Variants in MANBA observed in about 807,000 individuals in gnomAD.
MANBA encodes mannosidase beta.
A neutral mutation model predicts 111.1 loss-of-function variants in MANBA; 83 were observed. The observed-to-expected ratio is 0.75, with a 90% CI of 0.63 to 0.90. The LOEUF is 0.90. Ranked by LOEUF, MANBA falls within the 40% of genes least tolerant of loss-of-function variation. MANBA has a pLI of 0.00. For missense variants in MANBA, 1,036 were observed against 1,069.0 expected (o/e 0.97, Z 0.43); for synonymous variants, 370 against 378.7 (o/e 0.98, Z 0.27).
intron 5 of MANBA, among the ~76,000 whole-genome samples, chr4:102,710,667 C>T (rs971238019): frequency 2.0e-5 from 3 of 151,964 alleles, no homozygotes; most frequent in Non-Finnish European, 4.4e-5. Context: ...AAAAATCCTA[C>T]AGTTCATATG....
chr4:102,682,039 C>T (rs112570493), intron 7 of MANBA, among the ~76,000 whole-genome samples: 76 of 151,038 alleles, frequency 5.0e-4, no homozygotes, highest in African/African-American at 1.8e-3. Flanking sequence ...CCCAGCTACT[C>T]AGGAGGCTGA....
At chr4:102,665,559 T>G (rs949659154) in intron 10 of MANBA, 1 of 152,256 alleles carries the variant, frequency 6.6e-6, no homozygotes, top group Non-Finnish European at 1.5e-5. Flanking sequence ...AATTAGAGAA[T>G]CTACCTGAAA....
chr4:102,644,308 T>C (rs1730007207), intron 13 of MANBA, among the ~76,000 whole-genome samples: 1 of 152,104 alleles, frequency 6.6e-6, no homozygotes, highest in African/African-American at 2.4e-5. Flanking sequence ...GGAAATGAAA[T>C]CAGTATGTTG....
intron 5 of MANBA, among the ~76,000 whole-genome samples, chr4:102,698,036 T>C (rs1423167703): frequency 5.9e-5 from 9 of 151,920 alleles, no homozygotes; most frequent in African/African-American, 1.9e-4. Context: ...CCTGACTTTT[T>C]AATGATTGCC....
chr4:102,674,597 G>A (rs181398668), intron 7 of MANBA, among the ~76,000 whole-genome samples: 22 of 152,198 alleles, frequency 1.4e-4, no homozygotes, highest in Non-Finnish European at 2.9e-4. Flanking sequence ...GTTTGAGCAC[G>A]CTCTGGTTTC....
intron 1 of MANBA, among the ~76,000 whole-genome samples, chr4:102,733,349 AT>A (rs563303596): frequency 0.042 from 5,745 of 136,104 alleles, 99 homozygotes; most frequent in East Asian, 0.084. Context: ...TCCTCTCTGC[AT>A]TTTTTTTTTT....
chr4:102,734,643 C>A, intron 1 of MANBA: 1 of 1,500,298 alleles, frequency 6.7e-7, no homozygotes, highest in Non-Finnish European at 9.2e-7. Flanking sequence ...GCCAGACAGG[C>A]AGGGAGAGGG....
At chr4:102,727,964 G>T in intron 1 of MANBA, 2 of 439,280 alleles carry the variant, frequency 4.6e-6, no homozygotes, top group Non-Finnish European at 4.3e-6. Flanking sequence ...TGGAATGTAC[G>T]ATTGGTTTTA....
chr4:102,751,388 T>A (rs1349679178), intron 1 of MANBA: 1 of 427,306 alleles, frequency 2.3e-6, no homozygotes, highest in Non-Finnish European at 4.7e-6. Flanking sequence ...AAGTCTTGTG[T>A]GTACTCCTTG....
chr4:102,657,950 A>G (rs1490828918), intron 11 of MANBA, 50 bp from the exon 12 acceptor site: 1 of 1,305,196 alleles, frequency 7.7e-7, no homozygotes. Context: ...CATCCTGTAA[A>G]GTATGTATCA....
At chr4:102,654,607 G>C (rs1333678463) in intron 12 of MANBA, among the ~76,000 whole-genome samples, 2 of 152,140 alleles carry the variant, frequency 1.3e-5, no homozygotes, top group Non-Finnish European at 2.9e-5. Flanking sequence ...CATTTCAATA[G>C]ATGAAGAAAA....
At chr4:102,756,922 T>C (rs1193737154) in intron 1 of MANBA, among the ~76,000 whole-genome samples, 2 of 152,006 alleles carry the variant, frequency 1.3e-5, no homozygotes, top group African/African-American at 4.8e-5. Flanking sequence ...ACATAACATA[T>C]GGAAATTATT....
At chr4:102,652,483 CA>C (rs1730378684) in intron 12 of MANBA, among the ~76,000 whole-genome samples, 1 of 152,078 alleles carries the variant, frequency 6.6e-6, no homozygotes. Context: ...GAAAATCTTT[CA>C]AATTTCAGCT....
At chr4:102,689,196 A>G (rs932373142) in intron 7 of MANBA, among the ~76,000 whole-genome samples, 1 of 151,924 alleles carries the variant, frequency 6.6e-6, no homozygotes, top group Non-Finnish European at 1.5e-5. Context: ...TAAAAATACA[A>G]AAGTTAGCTG....
At chr4:102,673,091 T>C (rs1230721372) in intron 8 of MANBA, among the ~76,000 whole-genome samples, 1 of 152,196 alleles carries the variant, frequency 6.6e-6, no homozygotes, top group Admixed American at 6.5e-5. Context: ...TTGTATCCTC[T>C]GACCAACAGC....
In MANBA at chr4:102,717,470, G is replaced by A. The variant is rs1370839838; in HGVS notation, c.550-2909C>T. ...ATGTCTCACTCTGTCACCCAGGCTG[G>A]AGTATAGTGACACAATCTTGGCTCA... On this transcript the variant is annotated intron_variant, in intron 4 of 16. Coordinates refer to ENST00000647097, the MANE Select transcript of MANBA (RefSeq NM_005908.4). Among the ~76,000 whole-genome samples the A allele has an allele frequency of 2.7e-5, 4 of 150,876 alleles. No individual in the cohort carries two copies. In the East Asian group the frequency reaches 7.8e-4, roughly 29 times the overall value.
intron 1 of MANBA, chr4:102,752,432 C>A: frequency 2.3e-6 from 2 of 851,602 alleles, no homozygotes; most frequent in South Asian, 2.6e-5. Context: ...GTAAAATGGT[C>A]TCCTACCCAT....
chr4:102,698,835 T>A (rs1371750966), intron 5 of MANBA, among the ~76,000 whole-genome samples: 1 of 151,716 alleles, frequency 6.6e-6, no homozygotes, highest in Non-Finnish European at 1.5e-5. Context: ...GACTTGGCGA[T>A]GTGGGCTCTT....
chr4:102,708,646 T>G lies in MANBA; in HGVS notation c.673+5792A>C, dbSNP rs558332226. 2.9e-3 allele frequency among the ~76,000 whole-genome samples: 435 copies of G among 151,652 alleles called. 4 individuals carry two copies. The highest frequency in any genetic ancestry group is 0.01 in the African/African-American group (424 of 41,360). On this transcript the variant is annotated intron_variant, in intron 5 of 16. Coordinates refer to ENST00000647097, the MANE Select transcript of MANBA (RefSeq NM_005908.4). Reference sequence around the variant, plus strand: ...AAAATTAGAAGAAGAAAAGTGATAATAATGATCAGAGCAGAACTCAATGAA... The same window carrying G: ...AAAATTAGAAGAAGAAAAGTGATAAGAATGATCAGAGCAGAACTCAATGAA...
Sources: allele counts gnomAD v4.1 joint callset (sites outside exome capture counted in the v4.1 genomes callset), GRCh38; gene constraint gnomAD v4.1.1; transcripts MANE v1.5; gene names NCBI Gene and HGNC (gene_info 2026-07-23, HGNC 2026-07-21).